Variants in SCHIP1 observed in about 807,000 individuals in gnomAD.
SCHIP1 encodes schwannomin interacting protein 1, also known as schwannomin-interacting protein 1.
SCHIP1 carries 8 observed loss-of-function variants against 29.7 expected under a neutral mutation model. That is an observed-to-expected ratio of 0.27 (90% confidence interval 0.16 to 0.49). SCHIP1 has a LOEUF of 0.49. Among genes scored for constraint, SCHIP1 ranks in the 20% least tolerant of loss-of-function variants. The pLI is 0.99. For missense variants in SCHIP1, 193 were observed against 294.6 expected, an observed-to-expected ratio of 0.66 and a Z score of 2.52; for synonymous variants, 76 against 94.9, an observed-to-expected ratio of 0.80 and a Z score of 1.16.
the SCHIP1 span, among the ~76,000 whole-genome samples, chr3:159,785,579 GT>G: frequency 0.29 from 40,804 of 138,836 alleles, 6,082 homozygotes; most frequent in East Asian, 0.45. Context: ...AGTTTTGTTG[GT>G]TTTTTTTTTT....
the SCHIP1 span, among the ~76,000 whole-genome samples, chr3:159,573,983 C>T: frequency 2.0e-5 from 3 of 152,220 alleles, no homozygotes; most frequent in Non-Finnish European, 2.9e-5. Context: ...GTCTTCTCTA[C>T]ACTGTTTATT....
chr3:159,280,747 C>T, the SCHIP1 span, among the ~76,000 whole-genome samples: 1 of 152,178 alleles, frequency 6.6e-6, no homozygotes, highest in Non-Finnish European at 1.5e-5. Context: ...AAATTTTCAA[C>T]ACCAAGTGGC....
chr3:159,425,936 A>AG, the SCHIP1 span, among the ~76,000 whole-genome samples: 19 of 152,252 alleles, frequency 1.2e-4, no homozygotes, highest in Admixed American at 2.0e-4. Context: ...CTGCTCCTGA[A>AG]TGACTACTGG....
the SCHIP1 span, among the ~76,000 whole-genome samples, chr3:159,723,476 C>A: frequency 6.6e-6 from 1 of 152,174 alleles, no homozygotes; most frequent in Non-Finnish European, 1.5e-5. Context: ...TAGTAACAAT[C>A]TCACTGCATG....
chr3:159,365,102 C>T, the SCHIP1 span, among the ~76,000 whole-genome samples: 4 of 152,212 alleles, frequency 2.6e-5, no homozygotes, highest in South Asian at 2.1e-4. Flanking sequence ...ATGCCTGGAT[C>T]GTGCTGAATT....
chr3:159,542,585 G>A, the SCHIP1 span, among the ~76,000 whole-genome samples: 3 of 152,014 alleles, frequency 2.0e-5, no homozygotes, highest in Non-Finnish European at 4.4e-5. Flanking sequence ...CCATTGTATG[G>A]ATATACAAAG....
chr3:159,857,586 C>T (rs1239329952), intron 1 of SCHIP1, among the ~76,000 whole-genome samples: 1 of 152,150 alleles, frequency 6.6e-6, no homozygotes, highest in African/African-American at 2.4e-5. Context: ...TCAGGAGTCA[C>T]TCCCAAATCC....
the SCHIP1 span, among the ~76,000 whole-genome samples, chr3:159,583,129 G>T: frequency 6.6e-6 from 1 of 151,988 alleles, no homozygotes; most frequent in Non-Finnish European, 1.5e-5. Flanking sequence ...CACATGTTAG[G>T]ATTTAAAATT....
chr3:159,585,766 C>T, the SCHIP1 span, among the ~76,000 whole-genome samples: 1 of 152,100 alleles, frequency 6.6e-6, no homozygotes, highest in Non-Finnish European at 1.5e-5. Flanking sequence ...TAGTATAACT[C>T]TTAACAGCTA....
At chr3:159,727,557 A>G in the SCHIP1 span, among the ~76,000 whole-genome samples, 2 of 150,748 alleles carry the variant, frequency 1.3e-5, no homozygotes, top group African/African-American at 5.0e-5. Flanking sequence ...TAACATATTT[A>G]TTCAATTTTT....
the SCHIP1 span, among the ~76,000 whole-genome samples, chr3:159,383,474 T>G: frequency 2.0e-5 from 3 of 151,982 alleles, no homozygotes; most frequent in East Asian, 5.8e-4. Flanking sequence ...TATATCTCTC[T>G]TTTGGTACCA....
chr3:159,596,967 G>C, the SCHIP1 span, among the ~76,000 whole-genome samples: 1 of 146,222 alleles, frequency 6.8e-6, no homozygotes, highest in Non-Finnish European at 1.5e-5. Context: ...AAATAAAGCA[G>C]AACAAAAGCA....
chr3:159,588,631 T>A, the SCHIP1 span, among the ~76,000 whole-genome samples: 1 of 152,346 alleles, frequency 6.6e-6, no homozygotes, highest in South Asian at 2.1e-4. Flanking sequence ...CATCTTGAAT[T>A]AATTTTTGTA....
chr3:159,572,831 T>C, the SCHIP1 span, among the ~76,000 whole-genome samples: 1 of 152,224 alleles, frequency 6.6e-6, no homozygotes, highest in Non-Finnish European at 1.5e-5. Context: ...AGGTTAGCTC[T>C]TCTTGTTGAA....
intron 1 of SCHIP1, among the ~76,000 whole-genome samples, chr3:159,855,983 A>T (rs879259570): frequency 2.0e-5 from 3 of 152,222 alleles, no homozygotes; most frequent in Admixed American, 2.0e-4. Flanking sequence ...CCTCTGGTTT[A>T]TTCAATAGTA....
At chr3:159,440,329 G>A in the SCHIP1 span, among the ~76,000 whole-genome samples, 1 of 152,132 alleles carries the variant, frequency 6.6e-6, no homozygotes, top group Non-Finnish European at 1.5e-5. Flanking sequence ...AATGTAGTTG[G>A]AAGTCAGGTA....
chr3:159,428,080 A>G, the SCHIP1 span, among the ~76,000 whole-genome samples: 7 of 152,044 alleles, frequency 4.6e-5, no homozygotes, highest in Non-Finnish European at 8.8e-5. Flanking sequence ...TAGACCTAAA[A>G]CCATAAAAAC....
chr3:159,361,613 G>A, the SCHIP1 span, among the ~76,000 whole-genome samples: 1 of 152,178 alleles, frequency 6.6e-6, no homozygotes, highest in South Asian at 2.1e-4. Context: ...GACCTTTCTG[G>A]CAAGTGTTTG....
intron 2 of SCHIP1, among the ~76,000 whole-genome samples, chr3:159,876,803 A>G (rs1193385623): frequency 6.6e-6 from 1 of 152,178 alleles, no homozygotes; most frequent in Non-Finnish European, 1.5e-5. Flanking sequence ...CCAGCTCTCC[A>G]CTTAACCACT....
Sources: allele counts gnomAD v4.1 joint callset (sites outside exome capture counted in the v4.1 genomes callset), GRCh38; gene constraint gnomAD v4.1.1; transcripts MANE v1.5; gene names NCBI Gene and HGNC (gene_info 2026-07-23, HGNC 2026-07-21).